The following PCDHA5 variants were observed in gnomAD, a reference collection of about 807,000 sequenced individuals.
The protein encoded by PCDHA5 is protocadherin alpha 5.
Under a neutral mutation model 61.6 loss-of-function variants are expected in PCDHA5, and 43 were observed. The observed-to-expected ratio is 0.70, with a 90% CI of 0.55 to 0.90. The LOEUF (loss-of-function observed/expected upper bound fraction) is 0.90. Ranked by LOEUF, PCDHA5 falls within the 40% of genes least tolerant of loss-of-function variation. PCDHA5 has a pLI of 0.00. For synonymous variants in PCDHA5, 627 were observed against 543.9 expected (o/e 1.15, Z -2.13); for missense variants, 1,298 against 1,222.7 (o/e 1.06, Z -0.92).
At chr5:140,902,895 T>C (rs1554190698) in intron 1 of PCDHA5, among the ~76,000 whole-genome samples, 1 of 152,222 alleles carries the variant, frequency 6.6e-6, no homozygotes, top group Non-Finnish European at 1.5e-5. Flanking sequence ...TATTATTTTA[T>C]TTAGTTTATG....
At chr5:140,958,547 A>C (rs528303266) in intron 1 of PCDHA5, among the ~76,000 whole-genome samples, 3 of 152,308 alleles carry the variant, frequency 2.0e-5, no homozygotes, top group East Asian at 3.9e-4. Flanking sequence ...TTTATGAACC[A>C]ATAAATGTTT....
chr5:140,828,407 C>G, intron 1 of PCDHA5: 2 of 1,614,262 alleles, frequency 1.2e-6, no homozygotes, highest in Non-Finnish European at 1.7e-6. Flanking sequence ...CAGCATCCAC[C>G]TGGAGGTGAT....
Position 140,822,373 on chromosome 5 carries a change from G to C in PCDHA5, c.598G>C (p.Asp200His), listed in dbSNP as rs782531661. The change falls in exon 1 of 4, where the codon GAT becomes CAT. Residue 200 changes from aspartate (D) to histidine (H), a missense_variant. Coordinates refer to ENST00000529859, the MANE Select transcript of PCDHA5 (RefSeq NM_018908.3). ...FLELVLRKSLDREETQEHRLL... is the reference protein window; with the variant it reads ...FLELVLRKSLHREETQEHRLL... ...AGAGCTGGTTTTGAGGAAATCCTTA[G>C]ATAGAGAAGAAACACAAGAACACCG... 1 of 1,614,112 alleles carries C rather than the reference G, an allele frequency of 6.2e-7. No individual in the cohort carries two copies. The highest frequency in any genetic ancestry group is 1.7e-5 in the Admixed American group (1 of 60,034).
At chr5:140,829,045 C>T in intron 1 of PCDHA5, 1 of 1,612,830 alleles carries the variant, frequency 6.2e-7, no homozygotes, top group South Asian at 1.1e-5. Flanking sequence ...TATACAAAAT[C>T]CTCATTGACG....
Position 141,011,543 on chromosome 5 carries a change from G to T in PCDHA5, c.*1606G>T, listed in dbSNP as rs1478395558. The stretch of plus-strand genomic sequence containing the variant: ...TTTTAACCATTGTTAATCAGCTTTT[G>T]TGTATGAAAGACACAGTAAAATTTC... On this transcript the variant is annotated 3_prime_UTR_variant, in exon 4 of 4. Coordinates refer to ENST00000529859, the MANE Select transcript of PCDHA5 (RefSeq NM_018908.3). 1.3e-5 allele frequency: 2 copies of T among 153,468 alleles called. No individual in the cohort carries two copies. Among genetic ancestry groups the T allele is most frequent in the African/African-American group, 4.8e-5 (2 of 41,376 alleles). The allele number at this position is 153,468 out of a possible 1,614,324, so 9.5% of individuals were successfully genotyped here. A position where few individuals can be genotyped will look rare whatever the true frequency, so the allele number is the denominator to read the frequency against.
intron 3 of PCDHA5, among the ~76,000 whole-genome samples, chr5:140,993,629 T>G (rs1359195159): frequency 5.9e-5 from 9 of 152,160 alleles, no homozygotes; most frequent in Non-Finnish European, 1.0e-4. Flanking sequence ...CTATATATAG[T>G]CGTGTACCAA....
Position 140,823,251 on chromosome 5 carries a change from G to C in PCDHA5, c.1476G>C (p.Ser492=), listed in dbSNP as rs781822004. The C allele has an allele frequency of 1.2e-6, 2 of 1,613,318 alleles. No individual in the cohort carries two copies. Among genetic ancestry groups the C allele is most frequent in the Non-Finnish European group, 1.7e-6 (2 of 1,179,788 alleles). The change falls in exon 1 of 4, where the codon TCG becomes TCC. Residue 492 remains serine (S), a synonymous_variant. Coordinates refer to ENST00000529859, the MANE Select transcript of PCDHA5 (RefSeq NM_018908.3). ...DAQENALVSY[S]LVERRVGERP... is the part of the protein sequence containing the mutation. ...AGGAGAACGCCCTGGTGTCCTACTC[G>C]CTGGTGGAGCGGCGGGTGGGCGAGC...
At chr5:140,980,279 AAAAGTACC>A (rs1554241598) in intron 2 of PCDHA5, among the ~76,000 whole-genome samples, 2 of 152,236 alleles carry the variant, frequency 1.3e-5, no homozygotes, top group African/African-American at 4.8e-5. Flanking sequence ...CCAACTCTTG[AAAAGTACC>A]AAAGCTATGA....
chr5:140,849,999 C>G lies in PCDHA5; in HGVS notation c.2352+25872C>G, dbSNP rs1554143600. The G allele has an allele frequency of 3.1e-6, 5 of 1,596,930 alleles. No individual in the cohort carries two copies. In the African/African-American group the frequency reaches 5.4e-5, roughly 17 times the overall value. The stretch of plus-strand genomic sequence containing the variant: ...GCTGGTGGAGCGGCGGTTGGGCGAG[C>G]GCTCGCTGTCGAGCTACGTGTCAGT... On this transcript the variant is annotated intron_variant, in intron 1 of 3. Coordinates refer to ENST00000529859, the MANE Select transcript of PCDHA5 (RefSeq NM_018908.3).
intron 3 of PCDHA5, among the ~76,000 whole-genome samples, chr5:141,008,816 C>T (rs2098391999): frequency 6.6e-6 from 1 of 152,190 alleles, no homozygotes; most frequent in African/African-American, 2.4e-5. Context: ...GCTCAATTTA[C>T]AACAGGATTC....
chr5:140,871,210 A>T (rs2052831697), intron 1 of PCDHA5: 2 of 1,613,818 alleles, frequency 1.2e-6, no homozygotes, highest in Middle Eastern at 1.7e-4. Flanking sequence ...GATCATCGCC[A>T]TCTGCGTGGT....
intron 1 of PCDHA5, among the ~76,000 whole-genome samples, chr5:140,940,004 A>AT (rs1326829458): frequency 2.6e-5 from 4 of 152,120 alleles, no homozygotes; most frequent in Admixed American, 1.3e-4. Context: ...GATTTTGTCA[A>AT]TTTTTTGTGT....
intron 1 of PCDHA5, among the ~76,000 whole-genome samples, chr5:140,846,947 G>T (rs772178263): frequency 6.7e-6 from 1 of 149,632 alleles, no homozygotes; most frequent in African/African-American, 2.4e-5. Flanking sequence ...ACTTGAAGGG[G>T]CATGGTGTGT....
At chr5:140,915,368 T>G (rs1281630689) in intron 1 of PCDHA5, among the ~76,000 whole-genome samples, 1 of 152,216 alleles carries the variant, frequency 6.6e-6, no homozygotes, top group Non-Finnish European at 1.5e-5. Flanking sequence ...TACCAGTAAG[T>G]GTCTCGGCAT....
At chr5:140,854,210 T>C in intron 1 of PCDHA5, 2 of 643,974 alleles carry the variant, frequency 3.1e-6, no homozygotes, top group Non-Finnish European at 3.8e-6. Context: ...TTTTATTCAA[T>C]ATTGGACATC....
intron 1 of PCDHA5, chr5:140,829,542 C>A: frequency 6.2e-7 from 1 of 1,612,968 alleles, no homozygotes; most frequent in South Asian, 1.1e-5. Context: ...GACGCGGACG[C>A]GCAGGAGAAC....
chr5:140,902,258 G>A (rs1389556264), intron 1 of PCDHA5, among the ~76,000 whole-genome samples: 2 of 137,592 alleles, frequency 1.5e-5, no homozygotes, highest in African/African-American at 5.6e-5. Context: ...GGCTGGTCTC[G>A]AACTCCTGGG....
intron 1 of PCDHA5, among the ~76,000 whole-genome samples, chr5:140,920,056 C>T (rs2079426580): frequency 6.6e-6 from 1 of 152,144 alleles, no homozygotes; most frequent in African/African-American, 2.4e-5. Flanking sequence ...GCCACCAACA[C>T]CTGGAAAAGG....
chr5:140,966,413 A>G, intron 1 of PCDHA5: 2 of 419,134 alleles, frequency 4.8e-6, no homozygotes, highest in South Asian at 1.0e-4. Flanking sequence ...GAATCAGAGC[A>G]GGACTTGCTG....
Sources: allele counts gnomAD v4.1 joint callset (sites outside exome capture counted in the v4.1 genomes callset), GRCh38; gene constraint gnomAD v4.1.1; transcripts MANE v1.5; gene names NCBI Gene and HGNC (gene_info 2026-07-23, HGNC 2026-07-21).